Variants in SORCS2 observed in about 807,000 individuals in gnomAD.
The protein encoded by SORCS2 is VPS10 domain-containing receptor SorCS2.
A neutral mutation model predicts 141.6 loss-of-function variants in SORCS2; 100 were observed. The observed-to-expected ratio is 0.71, with a 90% CI of 0.60 to 0.83. SORCS2 has a LOEUF of 0.83. SORCS2 is among the 40% of genes least tolerant of loss of function. The probability of loss-of-function intolerance (pLI) is 0.00; values close to 1 mark genes in which losing one functional copy is unlikely to be tolerated. For missense variants in SORCS2, 1,646 were observed against 1,560.2 expected, an observed-to-expected ratio of 1.05 and a Z score of -0.93; for synonymous variants, 789 against 676.9, an observed-to-expected ratio of 1.17 and a Z score of -2.57.
chr4:7,200,269 C>T (rs1349032410), intron 1 of SORCS2, among the ~76,000 whole-genome samples: 1 of 152,156 alleles, frequency 6.6e-6, no homozygotes, highest in Non-Finnish European at 1.5e-5. Context: ...GGGGTGCACT[C>T]CATGCTGTTC....
intron 1 of SORCS2, among the ~76,000 whole-genome samples, chr4:7,336,205 T>G (rs1719978898): frequency 6.6e-6 from 1 of 152,110 alleles, no homozygotes; most frequent in African/African-American, 2.4e-5. Context: ...CGATTGCTCG[T>G]GGTGGAGATG....
chr4:7,373,915 C>T (rs911308634), intron 1 of SORCS2, among the ~76,000 whole-genome samples: 1 of 152,100 alleles, frequency 6.6e-6, no homozygotes, highest in South Asian at 2.1e-4. Flanking sequence ...TGATGAATTC[C>T]GTTTATCTAT....
At chr4:7,520,896 A>G (rs905117298) in intron 2 of SORCS2, among the ~76,000 whole-genome samples, 9 of 152,202 alleles carry the variant, frequency 5.9e-5, no homozygotes, top group Non-Finnish European at 1.0e-4. Context: ...AGAGGTGCCC[A>G]GGACGTGCAG....
At chr4:7,385,447 C>T (rs1294351329) in intron 1 of SORCS2, among the ~76,000 whole-genome samples, 2 of 152,320 alleles carry the variant, frequency 1.3e-5, no homozygotes, top group South Asian at 2.1e-4. Flanking sequence ...AGCAGGAAGT[C>T]CTCTCTTTCA....
In SORCS2 at chr4:7,740,859, GTC is replaced by G; in HGVS notation, c.*598_*599del. On this transcript the variant is annotated 3_prime_UTR_variant, in exon 27 of 27. Coordinates refer to ENST00000507866, the MANE Select transcript of SORCS2 (RefSeq NM_020777.3). ...GGTAGCTGCTGGCGGTGGTGGGGGT[GTC>G]TCACTCTCTGTCTTTATAGCCGGCG... The G allele has an allele frequency of 2.5e-6, 1 of 395,416 alleles. No homozygotes were observed. Among genetic ancestry groups the G allele is most frequent in the Non-Finnish European group, 4.5e-6 (1 of 224,614 alleles). 24.5% of individuals were successfully genotyped at this position (395,416 alleles called of 1,614,324 possible). A position where few individuals can be genotyped will look rare whatever the true frequency, so the allele number is the denominator to read the frequency against.
At chr4:7,543,070 G>A (rs1388430029) in intron 3 of SORCS2, among the ~76,000 whole-genome samples, 3 of 152,220 alleles carry the variant, frequency 2.0e-5, no homozygotes, top group East Asian at 3.9e-4. Context: ...CCAGCACATG[G>A]CAGTGGACAG....
chr4:7,309,774 T>C (rs968337388), intron 1 of SORCS2, among the ~76,000 whole-genome samples: 4 of 152,128 alleles, frequency 2.6e-5, no homozygotes, highest in African/African-American at 7.2e-5. Context: ...CTTGTGTAGC[T>C]GTGTCCAGGC....
intron 2 of SORCS2, among the ~76,000 whole-genome samples, chr4:7,506,557 A>G (rs996896087): frequency 6.6e-6 from 1 of 152,180 alleles, no homozygotes; most frequent in Non-Finnish European, 1.5e-5. Flanking sequence ...AGCAAGATGA[A>G]CAGTGGAACC....
intron 9 of SORCS2, among the ~76,000 whole-genome samples, chr4:7,680,169 CG>C (rs1723428991): frequency 6.6e-6 from 1 of 152,100 alleles, no homozygotes; most frequent in Non-Finnish European, 1.5e-5. Context: ...ACACAGCAAA[CG>C]ATGTGCAGCC....
chr4:7,433,721 A>G (rs780883149), intron 2 of SORCS2: 12 of 1,612,770 alleles, frequency 7.4e-6, no homozygotes, highest in Admixed American at 3.3e-5. Flanking sequence ...TCCGCGTCCC[A>G]CTCTGGGGAC....
At chr4:7,630,481 A>G (rs911653763) in intron 3 of SORCS2, among the ~76,000 whole-genome samples, 2 of 152,218 alleles carry the variant, frequency 1.3e-5, no homozygotes, top group African/African-American at 4.8e-5. Flanking sequence ...AGGTGAGGAG[A>G]GGGACTTGTC....
chr4:7,262,219 C>A (rs1192535187), intron 1 of SORCS2, among the ~76,000 whole-genome samples: 2 of 147,868 alleles, frequency 1.4e-5, no homozygotes. Flanking sequence ...CCCACCCACC[C>A]ATCCACCAAC....
At chr4:7,484,422 C>T (rs1181860376) in intron 2 of SORCS2, among the ~76,000 whole-genome samples, 1 of 152,144 alleles carries the variant, frequency 6.6e-6, no homozygotes, top group Non-Finnish European at 1.5e-5. Context: ...AGGGCCCAGC[C>T]GGAGCGGCCT....
At chr4:7,726,756 C>T in intron 20 of SORCS2, 24 bp from the exon 21 acceptor site, 1 of 1,611,588 alleles carries the variant, frequency 6.2e-7, no homozygotes, top group Non-Finnish European at 8.5e-7. Flanking sequence ...GGCCAGGCCC[C>T]TAAGCCCTGC....
At chr4:7,699,356 G>A (rs1724909256) in intron 12 of SORCS2, among the ~76,000 whole-genome samples, 1 of 152,172 alleles carries the variant, frequency 6.6e-6, no homozygotes, top group South Asian at 2.1e-4. Context: ...TGGCCAGGAG[G>A]CACTCCATTC....
intron 2 of SORCS2, among the ~76,000 whole-genome samples, chr4:7,457,631 C>T (rs1200646607): frequency 6.6e-6 from 1 of 152,008 alleles, no homozygotes; most frequent in Admixed American, 6.5e-5. Flanking sequence ...TGCAAGCTGA[C>T]AGGTATAAGC....
At chr4:7,692,684 A>C (rs541814060) in intron 11 of SORCS2, among the ~76,000 whole-genome samples, 16 of 152,180 alleles carry the variant, frequency 1.1e-4, no homozygotes, top group Non-Finnish European at 2.1e-4. Context: ...GTGTTCCTAC[A>C]AGATGGTCCA....
rs374352478 is a variant in SORCS2 at position 7,286,010 on chromosome 4, C to T, written c.480+92884C>T. ...CAGCACGGCGGCCGGCACCGTGCTC[C>T]GTGCCCTGCCGAGAGCCAGCTGCCC... is the stretch of plus-strand genomic sequence containing the variant. On this transcript the variant is annotated intron_variant, in intron 1 of 26. Transcript: ENST00000507866. This position sits in a 1 kb window ranked among gnomAD's most constrained non-coding sequence, Gnocchi z 4.1. Among the ~76,000 whole-genome samples the T allele has an allele frequency of 1.2e-4, 18 of 152,310 alleles. No individual in the cohort carries two copies. In the East Asian group the frequency reaches 1.4e-3, roughly 11 times the overall value.
chr4:7,549,680 C>G (rs1015092097), intron 3 of SORCS2, among the ~76,000 whole-genome samples: 32 of 152,224 alleles, frequency 2.1e-4, no homozygotes, highest in African/African-American at 7.7e-4. Flanking sequence ...ATAGTTGGTG[C>G]TCAGTTAATT....
Sources: allele counts gnomAD v4.1 joint callset (sites outside exome capture counted in the v4.1 genomes callset), GRCh38; gene constraint gnomAD v4.1.1; non-coding constraint Gnocchi (gnomAD v3.1); transcripts MANE v1.5; gene names NCBI Gene and HGNC (gene_info 2026-07-23, HGNC 2026-07-21).